Variants in GRIK2 observed in about 807,000 individuals in gnomAD.
The protein encoded by GRIK2 is glutamate receptor ionotropic, kainate 2.
In GRIK2, 32 loss-of-function variants were observed where a neutral mutation model predicts 100.3. The observed-to-expected ratio is 0.32, with a 90% CI of 0.24 to 0.43. The LOEUF (loss-of-function observed/expected upper bound fraction) is 0.43. Among genes scored for constraint, GRIK2 ranks in the 20% least tolerant of loss-of-function variants. The pLI is 1.00. For synonymous variants in GRIK2, 417 were observed against 389.4 expected (o/e 1.07, Z -0.83); for missense variants, 843 against 1,114.9 (o/e 0.76, Z 3.47).
At chr6:101,432,084 G>T (rs1337407427) in intron 2 of GRIK2, among the ~76,000 whole-genome samples, 1 of 151,954 alleles carries the variant, frequency 6.6e-6, no homozygotes, top group Non-Finnish European at 1.5e-5. Flanking sequence ...CTATTTAATT[G>T]TTGCTCTTCT....
intron 2 of GRIK2, among the ~76,000 whole-genome samples, chr6:101,581,218 TCA>T (rs537570297): frequency 3.8e-5 from 5 of 130,466 alleles, no homozygotes; most frequent in East Asian, 4.0e-4. Context: ...ATATATACAT[TCA>T]CACACACTCA....
chr6:101,525,035 C>A (rs973235589), intron 2 of GRIK2, among the ~76,000 whole-genome samples: 2 of 152,018 alleles, frequency 1.3e-5, no homozygotes, highest in African/African-American at 2.4e-5. Context: ...ACTGAGCCCC[C>A]ACTTGCGTGT....
intron 2 of GRIK2, among the ~76,000 whole-genome samples, chr6:101,403,223 A>C (rs775955681): frequency 1.3e-5 from 2 of 152,250 alleles, no homozygotes; most frequent in Non-Finnish European, 2.9e-5. Flanking sequence ...GAGCTCCAGT[A>C]GCAAAGACAT....
At chr6:101,614,598 A>G (rs1322542503) in intron 2 of GRIK2, among the ~76,000 whole-genome samples, 1 of 151,870 alleles carries the variant, frequency 6.6e-6, no homozygotes, top group African/African-American at 2.4e-5. Context: ...TTGTATAAAA[A>G]TTAAAGAAGC....
In GRIK2 at chr6:101,562,219, T is replaced by TA. The variant is rs796642795; in HGVS notation, c.116-59720dup. On this transcript the variant is annotated intron_variant, in intron 2 of 16. Transcript: ENST00000369134. ...ATAATTTAGATCTGCTATCATTCCC[T>TA]AAAAAAAAAACTTTAGGGGAGCTTT... 2.7e-3 allele frequency among the ~76,000 whole-genome samples: 401 copies of TA among 147,754 alleles called. 1 individual carries two copies. The highest frequency in any genetic ancestry group is 4.2e-3 in the Non-Finnish European group (277 of 66,528).
At chr6:101,918,530 A>G (rs892596205) in intron 12 of GRIK2, among the ~76,000 whole-genome samples, 3 of 151,752 alleles carry the variant, frequency 2.0e-5, no homozygotes, top group Middle Eastern at 3.2e-3. Context: ...AAATCTTTAA[A>G]CAAGGATTAT....
At chr6:101,905,144 T>C (rs1244220175) in intron 12 of GRIK2, among the ~76,000 whole-genome samples, 1 of 151,618 alleles carries the variant, frequency 6.6e-6, no homozygotes, top group Non-Finnish European at 1.5e-5. Flanking sequence ...AACTTGACTG[T>C]AGTGATATTA....
At chr6:101,752,729 T>G in intron 7 of GRIK2, among the ~76,000 whole-genome samples, 1 of 152,154 alleles carries the variant, frequency 6.6e-6, no homozygotes, top group South Asian at 2.1e-4. Context: ...AGTCTCAGAA[T>G]ACCAATACTA....
intron 2 of GRIK2, among the ~76,000 whole-genome samples, chr6:101,527,493 AAAATT>A (rs550748681): frequency 2.5e-3 from 388 of 152,322 alleles, no homozygotes; most frequent in African/African-American, 8.8e-3. Context: ...ATTTGGAACT[AAAATT>A]AAAGTGTCAA....
Position 101,413,908 on chromosome 6 carries a change from C to A in GRIK2, c.115+14516C>A, listed in dbSNP as rs143902263. Among the ~76,000 whole-genome samples, 58 of 151,982 alleles carry A rather than the reference C, an allele frequency of 3.8e-4. No homozygotes were observed. In the East Asian group the frequency reaches 0.01, roughly 27 times the overall value. On this transcript the variant is annotated intron_variant, in intron 2 of 16. Transcript: ENST00000369134. ...TCAAGTCTTTATTTATACAAGCAAC[C>A]AGTCATAAAATTTGCCATTTGTTCA...
intron 16 of GRIK2, among the ~76,000 whole-genome samples, chr6:102,068,137 T>C (rs1005414597): frequency 2.0e-5 from 3 of 151,894 alleles, no homozygotes; most frequent in Non-Finnish European, 4.4e-5. Context: ...GGTGGAGATT[T>C]TCTTTAAACT....
At chr6:101,502,243 A>G (rs1307627720) in intron 2 of GRIK2, among the ~76,000 whole-genome samples, 6 of 152,202 alleles carry the variant, frequency 3.9e-5, no homozygotes, top group Admixed American at 3.9e-4. Context: ...ATACATATTG[A>G]AAGGTACATT....
chr6:102,037,919 G>GT (rs1264207553), intron 15 of GRIK2, among the ~76,000 whole-genome samples: 2 of 151,326 alleles, frequency 1.3e-5, no homozygotes, highest in East Asian at 2.0e-4. Context: ...TTTGAAATAT[G>GT]TTTTTTCCTA....
intron 10 of GRIK2, among the ~76,000 whole-genome samples, chr6:101,823,035 C>G (rs1366986191): frequency 6.6e-6 from 1 of 152,118 alleles, no homozygotes. Context: ...GATGTGCCTC[C>G]AAATATCTAA....
At chr6:101,795,217 A>G (rs1387688801) in intron 7 of GRIK2, among the ~76,000 whole-genome samples, 2 of 152,036 alleles carry the variant, frequency 1.3e-5, no homozygotes, top group Non-Finnish European at 2.9e-5. Context: ...AATTTTTCCT[A>G]TGGATTTATC....
intron 14 of GRIK2, among the ~76,000 whole-genome samples, chr6:101,972,142 T>A (rs965452283): frequency 6.6e-6 from 1 of 152,020 alleles, no homozygotes; most frequent in Non-Finnish European, 1.5e-5. Flanking sequence ...GAAAGGTAGC[T>A]CTGTTTTTAA....
intron 2 of GRIK2, among the ~76,000 whole-genome samples, chr6:101,402,293 C>G (rs1171067863): frequency 6.6e-6 from 1 of 152,142 alleles, no homozygotes; most frequent in Non-Finnish European, 1.5e-5. Context: ...GACACGCGCT[C>G]GCGCGCACTA....
chr6:102,059,206 A>G (rs1317986340), intron 16 of GRIK2, among the ~76,000 whole-genome samples: 1 of 151,248 alleles, frequency 6.6e-6, no homozygotes, highest in African/African-American at 2.4e-5. Flanking sequence ...TGGAAATTGC[A>G]TTCCTTTCAG....
chr6:101,413,334 A>G (rs907411469), intron 2 of GRIK2, among the ~76,000 whole-genome samples: 2 of 152,058 alleles, frequency 1.3e-5, no homozygotes, highest in Admixed American at 1.3e-4. Flanking sequence ...TTACCAGACA[A>G]CAAACAAATG....
Sources: gnomAD v4.1 joint callset for allele counts (sites outside exome capture counted in the v4.1 genomes callset) on GRCh38, gnomAD v4.1.1 for gene constraint, MANE v1.5 for transcripts, NCBI Gene and HGNC (gene_info 2026-07-23, HGNC 2026-07-21) for gene names.